GNA14: variants seen among roughly 807,000 people sequenced by gnomAD.
GNA14 encodes the protein G protein subunit alpha 14.
In GNA14, 50 loss-of-function variants were observed where a neutral mutation model predicts 42.0. That is an observed-to-expected ratio of 1.19 (90% CI 0.95 to 1.51). The LOEUF is 1.51. Ranked by LOEUF, GNA14 falls within the 40% of genes most tolerant of loss-of-function variation. The probability of loss-of-function intolerance (pLI) is 0.00; values close to 1 mark genes in which losing one functional copy is unlikely to be tolerated. For missense variants in GNA14, 473 were observed against 446.2 expected (o/e 1.06, Z -0.54); for synonymous variants, 173 against 163.1 (o/e 1.06, Z -0.46).
chr9:77,489,067 AAC>A (rs1441970651), intron 2 of GNA14, among the ~76,000 whole-genome samples: 1 of 152,154 alleles, frequency 6.6e-6, no homozygotes, highest in African/African-American at 2.4e-5. Flanking sequence ...AGATAAATTG[AAC>A]ACAGAGATTA....
At chr9:77,586,355 T>C (rs535805771) in intron 1 of GNA14, among the ~76,000 whole-genome samples, 94 of 152,268 alleles carry the variant, frequency 6.2e-4, no homozygotes, top group African/African-American at 2.1e-3. Flanking sequence ...AATGGAAATT[T>C]CCTCAATAAA....
intron 2 of GNA14, among the ~76,000 whole-genome samples, chr9:77,465,182 C>T (rs1836200948): frequency 6.6e-6 from 1 of 152,198 alleles, no homozygotes; most frequent in Non-Finnish European, 1.5e-5. Context: ...TTTACTCCCC[C>T]TTTTCCTAGC....
chr9:77,529,667 A>T (rs756774275), intron 1 of GNA14, among the ~76,000 whole-genome samples: 3 of 152,162 alleles, frequency 2.0e-5, no homozygotes, highest in Non-Finnish European at 4.4e-5. Flanking sequence ...TTTCAGATAC[A>T]CAAATATTCT....
At chr9:77,598,751 TG>T (rs1823504933) in intron 1 of GNA14, among the ~76,000 whole-genome samples, 1 of 152,166 alleles carries the variant, frequency 6.6e-6, no homozygotes, top group African/African-American at 2.4e-5. Flanking sequence ...AGCTGGTTTC[TG>T]GGAAAAGAGC....
At chr9:77,549,703 G>T (rs1837766477) in intron 1 of GNA14, among the ~76,000 whole-genome samples, 1 of 152,150 alleles carries the variant, frequency 6.6e-6, no homozygotes, top group Non-Finnish European at 1.5e-5. Context: ...CTATTCTGGG[G>T]CTCTTGGCGC....
chr9:77,580,563 G>T (rs1240401135), intron 1 of GNA14: 1 of 502,204 alleles, frequency 2.0e-6, no homozygotes, highest in Non-Finnish European at 3.9e-6. Flanking sequence ...TCCTATTAAA[G>T]AATATCAGTG....
intron 1 of GNA14, among the ~76,000 whole-genome samples, chr9:77,543,649 C>T (rs139007944): frequency 5.3e-5 from 8 of 152,336 alleles, no homozygotes; most frequent in Admixed American, 1.3e-4. Flanking sequence ...GGGGATCACT[C>T]ATTTACCTTT....
At chr9:77,493,046 T>TATATATATATATATATATATATATA (rs1564030867) in intron 2 of GNA14, among the ~76,000 whole-genome samples, 1 of 136,628 alleles carries the variant, frequency 7.3e-6, no homozygotes, top group Admixed American at 7.4e-5. Context: ...TATATATATA[T>TATATATATATATATATATATATATA]TTGGGAGATG....
At chr9:77,561,629 A>T (rs981481649) in intron 1 of GNA14, among the ~76,000 whole-genome samples, 19 of 152,188 alleles carry the variant, frequency 1.2e-4, no homozygotes, top group African/African-American at 4.6e-4. Context: ...ATATGAGGGG[A>T]ATGGAGAGTT....
chr9:77,631,464 ATG>A (rs1437815218), intron 1 of GNA14, among the ~76,000 whole-genome samples: 1 of 65,756 alleles, frequency 1.5e-5, no homozygotes, highest in African/African-American at 8.5e-5. Context: ...GCCACTTTTT[ATG>A]TAAAAAAAAA....
chr9:77,530,232 CCCTCACCTTGGTGCTGTTCT>C (rs1298981194), intron 1 of GNA14, among the ~76,000 whole-genome samples: 3 of 152,276 alleles, frequency 2.0e-5, no homozygotes, highest in African/African-American at 7.2e-5. Context: ...TGGTTTAGCA[CCCTCACCTTGGTGCTGTTCT>C]CATGAGAGTT....
chr9:77,432,677 T>G (rs1398126222), intron 3 of GNA14, among the ~76,000 whole-genome samples: 2 of 152,220 alleles, frequency 1.3e-5, no homozygotes, highest in African/African-American at 4.8e-5. Context: ...CTGTTTTCTC[T>G]GTGACAGCTC....
chr9:77,446,257 C>A lies in GNA14; in HGVS notation c.310-11735G>T, dbSNP rs148575392. Among the ~76,000 whole-genome samples the A allele has an allele frequency of 9.2e-5, 14 of 152,344 alleles. No homozygotes were observed. The East Asian group carries it at 2.7e-3, about 29-fold the overall frequency. On this transcript the variant is annotated intron_variant, in intron 2 of 6. Coordinates refer to ENST00000341700, the MANE Select transcript of GNA14 (RefSeq NM_004297.4). ...TTCTGGTGTTGGGTTATTTTCACGG[C>A]CCTTCCAGACAAGGAAGCATTACCA...
chr9:77,582,946 T>C (rs183914674), intron 1 of GNA14, among the ~76,000 whole-genome samples: 4 of 152,348 alleles, frequency 2.6e-5, no homozygotes, highest in African/African-American at 9.6e-5. Context: ...TCACTCTGAC[T>C]GGCAAGGCTT....
intron 2 of GNA14, among the ~76,000 whole-genome samples, chr9:77,497,174 TG>T (rs1164177292): frequency 6.6e-6 from 1 of 152,154 alleles, no homozygotes; most frequent in African/African-American, 2.4e-5. Context: ...GGAGTGCAGG[TG>T]GTATGAGTCA....
intron 2 of GNA14, among the ~76,000 whole-genome samples, chr9:77,458,207 G>C (rs12345988): frequency 0.14 from 21,224 of 152,196 alleles, 1,653 homozygotes; most frequent in Middle Eastern, 0.18. Flanking sequence ...GTGGAGCAGA[G>C]GCGACTGTCT....
At chr9:77,488,784 T>TAAAAAAAAAAAAAAAAA (rs67416479) in intron 2 of GNA14, among the ~76,000 whole-genome samples, 4 of 53,684 alleles carry the variant, frequency 7.5e-5, no homozygotes, top group East Asian at 6.2e-4. Context: ...CACACCTAAT[T>TAAAAAAAAAAAAAAAAA]AAAAAAAAAA....
intron 1 of GNA14, among the ~76,000 whole-genome samples, chr9:77,591,402 C>T (rs961036063): frequency 1.3e-5 from 2 of 152,134 alleles, no homozygotes; most frequent in African/African-American, 2.4e-5. Context: ...ATTTTTCTCT[C>T]ATTCTCTCTC....
At chr9:77,575,932 G>A (rs1823121208) in intron 1 of GNA14, among the ~76,000 whole-genome samples, 1 of 152,178 alleles carries the variant, frequency 6.6e-6, no homozygotes, top group Admixed American at 6.5e-5. Flanking sequence ...CCAGACCAGA[G>A]GTGGCATGAC....
Sources: allele counts gnomAD v4.1 joint callset (sites outside exome capture counted in the v4.1 genomes callset), GRCh38; gene constraint gnomAD v4.1.1; transcripts MANE v1.5; gene names NCBI Gene and HGNC (gene_info 2026-07-23, HGNC 2026-07-21).